Variants in KDM1A observed in about 807,000 individuals in gnomAD.
KDM1A encodes lysine demethylase 1A, also known as lysine-specific histone demethylase 1A.
A neutral mutation model predicts 109.4 loss-of-function variants in KDM1A; 49 were observed. The observed-to-expected ratio is 0.45, with a 90% CI of 0.36 to 0.57. The LOEUF is 0.57. Among genes scored for constraint, KDM1A ranks in the 20% least tolerant of loss-of-function variants. The pLI is 0.00. For synonymous variants in KDM1A, 380 were observed against 415.4 expected, an observed-to-expected ratio of 0.91 and a Z score of 1.04; for missense variants, 668 against 1,116.6, an observed-to-expected ratio of 0.60 and a Z score of 5.73.
At chr1:23,050,581 G>A in intron 4 of KDM1A, 61 bp downstream of exon 4, 1 of 1,296,076 alleles carries the variant, frequency 7.7e-7, no homozygotes, top group Non-Finnish European at 1.0e-6. Flanking sequence ...CTTTGATAGA[G>A]AATATGGGAA....
rs186221610 is a variant in KDM1A, at chr1:23,027,768, A to T, written c.352-2701A>T. ...TGCTTTGTCATCTCAGGATGCTCTCAGTTGAACAGACATGGCAGAAGAAAC... is the reference window on the plus strand; with the variant it reads ...TGCTTTGTCATCTCAGGATGCTCTCTGTTGAACAGACATGGCAGAAGAAAC... On this transcript the variant is annotated intron_variant, in intron 1 of 20. Transcript: ENST00000400181. Among the ~76,000 whole-genome samples, 60 of 146,038 alleles carry T rather than the reference A, an allele frequency of 4.1e-4. 1 individual carries two copies. The highest frequency in any genetic ancestry group is 6.0e-4 in the Non-Finnish European group (40 of 66,870).
rs536183024 is a variant in KDM1A, at chr1:23,042,737, C to A, written c.518-1690C>A. Among the ~76,000 whole-genome samples, 4 of 150,120 alleles carry A rather than the reference C, an allele frequency of 2.7e-5. No individual in the cohort carries two copies. The East Asian group carries it at 8.0e-4, about 30-fold the overall frequency. On this transcript the variant is annotated intron_variant, in intron 2 of 20. Coordinates refer to ENST00000400181, the MANE Select transcript of KDM1A (RefSeq NM_001009999.3). Reference sequence around the variant, plus strand: ...AAAGTGCTGGGATTACAGGCGTGAGCCACCGCGCCCGGCCTATTATTATTA... The same window carrying A: ...AAAGTGCTGGGATTACAGGCGTGAGACACCGCGCCCGGCCTATTATTATTA...
In KDM1A at chr1:23,079,965, C is replaced by G. The variant is rs997311153; in HGVS notation, c.2170+298C>G. Among the ~76,000 whole-genome samples the G allele has an allele frequency of 2.9e-4, 44 of 152,244 alleles. No homozygotes were observed. Among genetic ancestry groups the G allele is most frequent in the African/African-American group, 1.0e-3 (42 of 41,548 alleles). On this transcript the variant is annotated intron_variant, in intron 18 of 20. Coordinates refer to ENST00000400181, the MANE Select transcript of KDM1A (RefSeq NM_001009999.3). This position sits in a 1 kb window ranked among gnomAD's most constrained non-coding sequence, Gnocchi z 5.6. ...GCCTGGAGGGATAGGCCCAGGGAGG[C>G]TTCCTACCAGGGGAAGCTTGCGTTC...
intron 19 of KDM1A, 116 bp from the exon 20 acceptor site, chr1:23,082,104 A>G (rs1643636438): frequency 4.7e-6 from 5 of 1,071,538 alleles, no homozygotes; most frequent in Non-Finnish European, 6.8e-6. Flanking sequence ...TGGCTCTCAC[A>G]TGTTGCCCCT....
intron 15 of KDM1A, among the ~76,000 whole-genome samples, chr1:23,075,549 C>A (rs535072856): frequency 1.6e-4 from 22 of 141,914 alleles, no homozygotes; most frequent in Non-Finnish European, 2.4e-4. Context: ...CCAGCCTGGG[C>A]AACAGAGCAA....
intron 1 of KDM1A, among the ~76,000 whole-genome samples, chr1:23,022,296 G>T (rs1243627013): frequency 6.6e-6 from 1 of 151,014 alleles, no homozygotes; most frequent in African/African-American, 2.4e-5. Flanking sequence ...AATATATGAG[G>T]GTTCCAGTTT....
chr1:23,082,313 G>C lies in KDM1A; in HGVS notation c.2392G>C (p.Asp798His). The change falls in exon 20 of 21, where the codon GAT becomes CAT. Residue 798 changes from aspartate (D) to histidine (H), a missense_variant. Around this residue, in one of 8 missense-constraint regions of KDM1A, gnomAD observed 162 missense variants for 376.4 expected, o/e 0.43. Coordinates refer to ENST00000400181, the MANE Select transcript of KDM1A (RefSeq NM_001009999.3). ...TGCAGGATCATCTGGAAATGACTATGATTTAATGGCTCAGCCAATCACTCC... is the reference window on the plus strand; with the variant it reads ...TGCAGGATCATCTGGAAATGACTATCATTTAATGGCTCAGCCAATCACTCC... ...VAAGSSGNDY[D>H]LMAQPITPGP... The C allele has an allele frequency of 6.2e-7, 1 of 1,613,848 alleles. No homozygotes were observed. The highest frequency in any genetic ancestry group is 8.5e-7 in the Non-Finnish European group (1 of 1,179,974).
Position 23,079,401 on chromosome 1 carries a change from G to A in KDM1A, c.2056-152G>A, listed in dbSNP as rs555788384. ...TTATGGGGTCATTTCACAAACTCAG[G>A]CCTATAAAAAGGGGATCGTAAATGT... On this transcript the variant is annotated intron_variant, in intron 17 of 20. Transcript: ENST00000400181. The surrounding 1 kb of genome is among the most constrained non-coding windows in gnomAD (Gnocchi z 5.6). The A allele has an allele frequency of 1.4e-4, 101 of 699,678 alleles. No homozygotes were observed. In the East Asian group the frequency reaches 2.2e-3, roughly 15 times the overall value. 43.3% of individuals were successfully genotyped at this position (699,678 alleles called of 1,614,324 possible).
At position 23,081,206 on chromosome 1, in the gene KDM1A, C is replaced by T. The variant is rs1557603333; in HGVS notation, c.2171-240C>T. On this transcript the variant is annotated intron_variant, in intron 18 of 20. Transcript: ENST00000400181. ...CTGCTGTATTTTGCCAGGTTAGAAG[C>T]AGTGAGGTGCCTGAGAATCTTACTT... 8.7e-6 allele frequency: 4 copies of T among 460,398 alleles called. No individual in the cohort carries two copies. The East Asian group carries it at 1.5e-4, about 17-fold the overall frequency. 28.5% of individuals were successfully genotyped at this position (460,398 alleles called of 1,614,324 possible).
intron 14 of KDM1A, 114 bp from the exon 15 acceptor site, chr1:23,073,178 A>C: frequency 1.6e-6 from 1 of 607,278 alleles, no homozygotes; most frequent in East Asian, 2.6e-5. Flanking sequence ...TAATTTCTTC[A>C]TATAAGGCAC....
chr1:23,067,904 C>G (rs887732018), intron 10 of KDM1A, among the ~76,000 whole-genome samples: 3 of 152,228 alleles, frequency 2.0e-5, no homozygotes, highest in Non-Finnish European at 2.9e-5. Context: ...GCCAGACCTT[C>G]TGGTCCTTCA....
chr1:23,020,504 A>G (rs1255177796), intron 1 of KDM1A: 1 of 148,518 alleles, frequency 6.7e-6, no homozygotes, highest in African/African-American at 2.5e-5. Context: ...TTTCTTTTTT[A>G]AAATCCTCTC....
intron 12 of KDM1A, among the ~76,000 whole-genome samples, chr1:23,070,816 AAAAC>A (rs886990357): frequency 1.3e-5 from 2 of 152,138 alleles, no homozygotes; most frequent in African/African-American, 4.8e-5. Context: ...TCAAAAAAAA[AAAAC>A]AAACACACAC....
At position 23,050,429 on chromosome 1, in the gene KDM1A, G is replaced by A. The variant is rs1288758605; in HGVS notation, c.620G>A (p.Arg207Gln). Reference protein sequence around the residue: ...AAFQSRLPHDRMTSQEAACFP... With the variant: ...AAFQSRLPHDQMTSQEAACFP... Reference sequence around the variant, plus strand: ...TTCCAGAGCCGACTTCCTCATGACCGGATGACTTCTCAAGAAGCAGCCTGT... The same window carrying A: ...TTCCAGAGCCGACTTCCTCATGACCAGATGACTTCTCAAGAAGCAGCCTGT... The change falls in exon 4 of 21, where the codon CGG becomes CAG. Residue 207 changes from arginine to glutamine, a missense_variant. Physicochemically the swap from Arg to Gln is conservative, Grantham distance 43 (BLOSUM62 1). Coordinates refer to ENST00000400181, the MANE Select transcript of KDM1A (RefSeq NM_001009999.3). 3.1e-6 allele frequency: 5 copies of A among 1,613,560 alleles called. No homozygotes were observed. The highest frequency in any genetic ancestry group is 3.4e-6 in the Non-Finnish European group (4 of 1,179,726).
At chr1:23,021,777 C>T (rs1017335319) in intron 1 of KDM1A, among the ~76,000 whole-genome samples, 10 of 152,180 alleles carry the variant, frequency 6.6e-5, no homozygotes, top group African/African-American at 2.2e-4. Flanking sequence ...ACAGCCAACA[C>T]CACAATTGAT....
intron 20 of KDM1A, 40 bp downstream of exon 20, chr1:23,082,406 G>T: frequency 1.3e-6 from 2 of 1,536,562 alleles, no homozygotes; most frequent in Non-Finnish European, 1.8e-6. Context: ...TTTGGGAAGA[G>T]GCCAGGATCT....
In KDM1A at chr1:23,055,930, A is replaced by G; in HGVS notation, c.884-2A>G. On this transcript the variant is annotated splice_acceptor_variant, in intron 6 of 20. Transcript: ENST00000400181. LOFTEE classifies it high-confidence loss of function. Reference sequence around the variant, plus strand: ...ATCTTTTTTTTCATTTTTTGCTTTTAGCTAAAAAGACAGGAAAGGTAATTA... The same window carrying G: ...ATCTTTTTTTTCATTTTTTGCTTTTGGCTAAAAAGACAGGAAAGGTAATTA... The G allele has an allele frequency of 6.3e-7, 1 of 1,589,004 alleles. No homozygotes were observed. The highest frequency in any genetic ancestry group is 8.6e-7 in the Non-Finnish European group (1 of 1,167,622).
intron 4 of KDM1A, 115 bp from the exon 5 acceptor site, chr1:23,053,646 A>G: frequency 1.4e-6 from 1 of 722,630 alleles, no homozygotes; most frequent in Non-Finnish European, 2.5e-6. Flanking sequence ...TCAGCCTCCC[A>G]AACTGCTGGG....
intron 1 of KDM1A, among the ~76,000 whole-genome samples, chr1:23,024,054 GC>G (rs764708539): frequency 1.7e-4 from 26 of 151,944 alleles, no homozygotes; most frequent in Non-Finnish European, 3.1e-4. Context: ...TCCCTGTGTT[GC>G]CCCAGCTGGC....
Sources: gnomAD v4.1 joint callset for allele counts (sites outside exome capture counted in the v4.1 genomes callset) on GRCh38, gnomAD v4.1.1 for gene constraint, gnomAD v4.1.1 regional missense constraint, Gnocchi (gnomAD v3.1) non-coding constraint, MANE v1.5 for transcripts, NCBI Gene and HGNC (gene_info 2026-07-23, HGNC 2026-07-21) for gene names.